The following TBXAS1 variants were observed in gnomAD, a reference collection of about 807,000 sequenced individuals.
TBXAS1 encodes thromboxane-A synthase.
In TBXAS1, 48 loss-of-function variants were observed where a neutral mutation model predicts 60.7. The observed-to-expected ratio is 0.79, with a 90% CI of 0.63 to 1.01. TBXAS1 has a LOEUF of 1.01. Ranked by LOEUF, TBXAS1 falls within the 50% of genes least tolerant of loss-of-function variation. TBXAS1 has a pLI of 0.00. For missense variants in TBXAS1, 685 were observed against 686.3 expected, an observed-to-expected ratio of 1.00 and a Z score of 0.02; for synonymous variants, 287 against 269.7, an observed-to-expected ratio of 1.06 and a Z score of -0.63.
At chr7:140,011,358 C>A (rs1814603327) in intron 10 of TBXAS1, among the ~76,000 whole-genome samples, 1 of 150,260 alleles carries the variant, frequency 6.7e-6, no homozygotes, top group Non-Finnish European at 1.5e-5. Flanking sequence ...AAAAGGCCCC[C>A]TGCCATTCTC....
chr7:139,930,369 G>C (rs1807220793), intron 4 of TBXAS1, among the ~76,000 whole-genome samples: 1 of 152,156 alleles, frequency 6.6e-6, no homozygotes, highest in East Asian at 1.9e-4. Flanking sequence ...CACATACCAG[G>C]CACTGAATAA....
intron 4 of TBXAS1, among the ~76,000 whole-genome samples, chr7:139,788,130 G>A (rs2117238896): frequency 6.6e-6 from 1 of 152,302 alleles, no homozygotes; most frequent in Admixed American, 6.5e-5. Flanking sequence ...TATTGCTGTG[G>A]CTTCTGAGGT....
Position 139,852,819 on chromosome 7 carries a change from C to G in TBXAS1, c.90-19416C>G, listed in dbSNP as rs1800307422. 6.6e-6 allele frequency among the ~76,000 whole-genome samples: 1 copy of G among 151,946 alleles called. No homozygotes were observed. The highest frequency in any genetic ancestry group is 1.5e-5 in the Non-Finnish European group (1 of 67,994). ...GTTTATGAAGACATAACTTCTTATC[C>G]AATTGGCAAACATTTTTTAAATGCC... On this transcript the variant is annotated intron_variant, in intron 1 of 12. Coordinates refer to ENST00000448866, the MANE Select transcript of TBXAS1 (RefSeq NM_001061.7). This position sits in a 1 kb window ranked among gnomAD's most constrained non-coding sequence, Gnocchi z 4.4.
chr7:139,995,585 TC>T (rs1230514900), intron 9 of TBXAS1, among the ~76,000 whole-genome samples: 7 of 152,036 alleles, frequency 4.6e-5, no homozygotes, highest in Admixed American at 4.6e-4. Flanking sequence ...CCTATGAATA[TC>T]CCACAGCGAC....
chr7:139,872,106 G>A (rs1436335333), intron 1 of TBXAS1, 129 bp from the exon 2 acceptor site: 24 of 924,556 alleles, frequency 2.6e-5, no homozygotes, highest in Middle Eastern at 2.2e-4. Flanking sequence ...TTGGTTCTTA[G>A]ATGTGGTGAC....
intron 6 of TBXAS1, among the ~76,000 whole-genome samples, chr7:139,953,770 A>G (rs1159702650): frequency 6.6e-6 from 1 of 152,212 alleles, no homozygotes; most frequent in Non-Finnish European, 1.5e-5. Context: ...AAGCATTTTC[A>G]CTTCAAGAAA....
intron 4 of TBXAS1, among the ~76,000 whole-genome samples, chr7:139,792,138 T>C (rs1797405659): frequency 6.6e-6 from 1 of 152,230 alleles, no homozygotes; most frequent in Non-Finnish European, 1.5e-5. Context: ...ATAAGTGCCC[T>C]GAACCTGAAT....
intron 1 of TBXAS1, among the ~76,000 whole-genome samples, chr7:139,859,228 G>A (rs1191349038): frequency 1.5e-5 from 2 of 130,192 alleles, no homozygotes; most frequent in East Asian, 4.5e-4. Flanking sequence ...TTGAGACGGA[G>A]TCTCACTCTG....
intron 4 of TBXAS1, among the ~76,000 whole-genome samples, chr7:139,923,408 C>A (rs1465543575): frequency 6.6e-6 from 1 of 151,932 alleles, no homozygotes; most frequent in Non-Finnish European, 1.5e-5. Flanking sequence ...TCTTTTGGTT[C>A]CATATATCTG....
In TBXAS1 at chr7:139,916,061, G is replaced by C. The variant is rs1030456046; in HGVS notation, c.333+4740G>C. On this transcript the variant is annotated intron_variant, in intron 4 of 12. Transcript: ENST00000448866. The surrounding 1 kb of genome is among the most constrained non-coding windows in gnomAD (Gnocchi z 4.2). ...AAGCTCAGTCGTCCTGGTACATCAGGACTCGGATGTTTCTATTTAGATATT... is the reference window on the plus strand; with the variant it reads ...AAGCTCAGTCGTCCTGGTACATCAGCACTCGGATGTTTCTATTTAGATATT... Among the ~76,000 whole-genome samples, 3 of 152,296 alleles carry C rather than the reference G, an allele frequency of 2.0e-5. No individual in the cohort carries two copies. Among genetic ancestry groups the C allele is most frequent in the South Asian group, 2.1e-4 (1 of 4,828 alleles).
chr7:139,792,124 G>C (rs1400782729), intron 4 of TBXAS1, among the ~76,000 whole-genome samples: 1 of 152,116 alleles, frequency 6.6e-6, no homozygotes, highest in Non-Finnish European at 1.5e-5. Flanking sequence ...ATCATATCAT[G>C]CACATAAGTG....
At chr7:139,943,513 T>C (rs1489431139) in intron 5 of TBXAS1, among the ~76,000 whole-genome samples, 1 of 152,266 alleles carries the variant, frequency 6.6e-6, no homozygotes, top group Non-Finnish European at 1.5e-5. Context: ...AGAATTATAA[T>C]GTCACTCTGA....
At chr7:139,887,778 G>C (rs1398755831) in intron 3 of TBXAS1, among the ~76,000 whole-genome samples, 1 of 152,056 alleles carries the variant, frequency 6.6e-6, no homozygotes, top group Non-Finnish European at 1.5e-5. Flanking sequence ...AGTTCTTTTG[G>C]GTATATATGC....
chr7:139,962,546 GA>G, intron 9 of TBXAS1: 1 of 369,364 alleles, frequency 2.7e-6, no homozygotes, highest in Non-Finnish European at 5.2e-6. Context: ...CAGGGATGGG[GA>G]AGGAGTCATG....
chr7:139,835,350 G>C (rs78479119), intron 1 of TBXAS1, among the ~76,000 whole-genome samples: 152 of 152,218 alleles, frequency 1.0e-3, no homozygotes, highest in African/African-American at 3.5e-3. Context: ...TTTCAGGCGT[G>C]AGCCAACACG....
chr7:139,798,679 A>T (rs565737156), intron 4 of TBXAS1, among the ~76,000 whole-genome samples: 1 of 152,336 alleles, frequency 6.6e-6, no homozygotes, highest in African/African-American at 2.4e-5. Flanking sequence ...TACCAACCAT[A>T]ATTCATGTTC....
intron 2 of TBXAS1, among the ~76,000 whole-genome samples, chr7:139,781,308 G>A (rs1360593901): frequency 6.6e-6 from 1 of 152,172 alleles, no homozygotes; most frequent in East Asian, 1.9e-4. Context: ...GTGGCAGCAA[G>A]GTATAAACCT....
At chr7:139,842,115 C>T (rs1206606302) in intron 1 of TBXAS1, among the ~76,000 whole-genome samples, 2 of 152,146 alleles carry the variant, frequency 1.3e-5, no homozygotes, top group African/African-American at 2.4e-5. Context: ...GCCACGCTCA[C>T]TGGCATACGA....
intron 10 of TBXAS1, among the ~76,000 whole-genome samples, chr7:140,008,198 CA>C (rs1271081210): frequency 1.6e-4 from 25 of 152,222 alleles, no homozygotes; most frequent in Non-Finnish European, 1.5e-5. Flanking sequence ...AAAAGCATTA[CA>C]AAGAATGCAA....
Sources: allele counts gnomAD v4.1 joint callset (sites outside exome capture counted in the v4.1 genomes callset), GRCh38; gene constraint gnomAD v4.1.1; non-coding constraint Gnocchi (gnomAD v3.1); transcripts MANE v1.5; gene names NCBI Gene and HGNC (gene_info 2026-07-23, HGNC 2026-07-21).